The following CAMTA1 variants were observed in gnomAD, a reference collection of about 807,000 sequenced individuals.
CAMTA1 encodes the protein calmodulin binding transcription activator 1, also known as calmodulin-binding transcription activator 1.
CAMTA1 carries 27 observed loss-of-function variants against 170.9 expected under a neutral mutation model. The ratio of observed to expected loss-of-function variants is 0.16; its 90% CI spans 0.12 to 0.22. The LOEUF is 0.22. Among genes scored for constraint, CAMTA1 ranks in the 10% least tolerant of loss-of-function variants. CAMTA1 has a pLI of 1.00. For missense variants in CAMTA1, 1,619 were observed against 2,217.2 expected (o/e 0.73, Z 5.42); for synonymous variants, 833 against 891.5 (o/e 0.93, Z 1.17).
rs1454655652 is a variant in CAMTA1, at chr1:7,195,619, C to T, written c.303-53872C>T. On this transcript the variant is annotated intron_variant, in intron 4 of 22. Transcript: ENST00000303635. The surrounding 1 kb of genome is among the most constrained non-coding windows in gnomAD (Gnocchi z 4.1). ...TGGCACACTCACCTTCAGCCAGGTG[C>T]CCGCACTGCTCCTGAGACCACTCTG... Among the ~76,000 whole-genome samples, 1 of 152,208 alleles carries T rather than the reference C, an allele frequency of 6.6e-6. No homozygotes were observed. The highest frequency in any genetic ancestry group is 6.5e-5 in the Admixed American group (1 of 15,284).
In CAMTA1 at chr1:7,337,113, G is replaced by C. The variant is rs187508968; in HGVS notation, c.438+87487G>C. On this transcript the variant is annotated intron_variant, in intron 5 of 22. Coordinates refer to ENST00000303635, the MANE Select transcript of CAMTA1 (RefSeq NM_015215.4). ...TGGGGGAGTTGCTTAGGCAGATTAC[G>C]GCAGATGATTGAGCAGAATGTTGGT... Among the ~76,000 whole-genome samples, 328 of 152,310 alleles carry C rather than the reference G, an allele frequency of 2.2e-3. 1 individual carries two copies. Among genetic ancestry groups the C allele is most frequent in the African/African-American group, 7.7e-3 (322 of 41,568 alleles).
chr1:6,868,100 G>T (rs575508016), intron 3 of CAMTA1, among the ~76,000 whole-genome samples: 2 of 149,284 alleles, frequency 1.3e-5, no homozygotes, highest in Non-Finnish European at 3.0e-5. Context: ...CCACAGAAGC[G>T]TGCCTGGCCT....
At chr1:7,112,470 A>G (rs1271487097) in intron 4 of CAMTA1, among the ~76,000 whole-genome samples, 1 of 152,234 alleles carries the variant, frequency 6.6e-6, no homozygotes, top group Non-Finnish European at 1.5e-5. Context: ...GCACTAAATG[A>G]GCTGCCCAAG....
intron 3 of CAMTA1, among the ~76,000 whole-genome samples, chr1:6,973,807 C>T (rs753254138): frequency 8.5e-5 from 13 of 152,270 alleles, no homozygotes; most frequent in South Asian, 2.1e-4. Flanking sequence ...GCCCTGAGAG[C>T]GAATGAAAGT....
At chr1:7,096,838 T>C (rs1642138950) in intron 4 of CAMTA1, among the ~76,000 whole-genome samples, 1 of 152,218 alleles carries the variant, frequency 6.6e-6, no homozygotes, top group Non-Finnish European at 1.5e-5. Flanking sequence ...ATCGTTATTC[T>C]ACTTGGGAGC....
At chr1:7,646,964 G>A (rs1490366538) in intron 7 of CAMTA1, among the ~76,000 whole-genome samples, 2 of 152,222 alleles carry the variant, frequency 1.3e-5, no homozygotes, top group South Asian at 2.1e-4. Flanking sequence ...GCATCTGTAA[G>A]GCAGTGCTGC....
intron 4 of CAMTA1, among the ~76,000 whole-genome samples, chr1:7,235,401 G>C (rs929961117): frequency 5.3e-5 from 8 of 152,154 alleles, no homozygotes; most frequent in African/African-American, 1.9e-4. Context: ...GAGGCGGGTG[G>C]ATCATTTGAG....
intron 3 of CAMTA1, among the ~76,000 whole-genome samples, chr1:6,876,248 CA>C (rs1428015567): frequency 6.6e-6 from 1 of 151,994 alleles, no homozygotes; most frequent in Non-Finnish European, 1.5e-5. Context: ...TTTCTTCCAC[CA>C]TCTGGCGTAT....
intron 3 of CAMTA1, among the ~76,000 whole-genome samples, chr1:6,837,312 G>A (rs1470531741): frequency 6.6e-6 from 1 of 152,114 alleles, no homozygotes; most frequent in East Asian, 1.9e-4. Flanking sequence ...ACAAGGCGCC[G>A]AGGTGCCTAC....
chr1:6,995,545 G>A (rs1039106717), intron 3 of CAMTA1, among the ~76,000 whole-genome samples: 43 of 151,918 alleles, frequency 2.8e-4, no homozygotes, highest in African/African-American at 8.7e-4. Context: ...CTCGTGATCC[G>A]CCTGCCTTGG....
At chr1:7,744,348 T>A (rs572712546) in intron 16 of CAMTA1, among the ~76,000 whole-genome samples, 1 of 150,682 alleles carries the variant, frequency 6.6e-6, no homozygotes, top group Non-Finnish European at 1.5e-5. Context: ...GCCAGGATGG[T>A]CTGGAACTCC....
At chr1:7,310,706 CTTTCTTTCTT>C (rs757668655) in intron 5 of CAMTA1, among the ~76,000 whole-genome samples, 791 of 57,240 alleles carry the variant, frequency 0.014, 108 homozygotes, top group African/African-American at 0.081. Context: ...CTCTCTCTTT[CTTTCTTTCTT>C]TCTTTCTTTC....
intron 5 of CAMTA1, among the ~76,000 whole-genome samples, chr1:7,423,405 G>A (rs2091693759): frequency 1.3e-5 from 2 of 150,234 alleles, no homozygotes; most frequent in East Asian, 3.9e-4. Context: ...GGAGGCAGAG[G>A]TTGCAGTGAG....
intron 1 of CAMTA1, among the ~76,000 whole-genome samples, chr1:6,800,101 T>C (rs185333051): frequency 5.3e-5 from 8 of 152,224 alleles, no homozygotes; most frequent in African/African-American, 9.6e-5. Context: ...TTTAATATAC[T>C]ATATTTACTT....
intron 3 of CAMTA1, among the ~76,000 whole-genome samples, chr1:6,930,961 GGGCC>G (rs1684302714): frequency 6.6e-6 from 1 of 152,222 alleles, no homozygotes; most frequent in African/African-American, 2.4e-5. Flanking sequence ...GCACACATCT[GGGCC>G]CTAGCTTTTG....
intron 3 of CAMTA1, among the ~76,000 whole-genome samples, chr1:6,857,204 G>A (rs533060751): frequency 1.3e-5 from 2 of 152,318 alleles, no homozygotes; most frequent in Admixed American, 1.3e-4. Flanking sequence ...CCAAGGCCCA[G>A]CAGTGGAGCT....
rs1209874138 is a variant in CAMTA1 at position 7,562,040 on chromosome 1, T to C, written c.511-78360T>C. 6.6e-6 allele frequency among the ~76,000 whole-genome samples: 1 copy of C among 152,118 alleles called. No homozygotes were observed. The highest frequency in any genetic ancestry group is 6.5e-5 in the Admixed American group (1 of 15,280). On this transcript the variant is annotated intron_variant, in intron 6 of 22. Transcript: ENST00000303635. The surrounding 1 kb of genome is among the most constrained non-coding windows in gnomAD (Gnocchi z 4.8). Reference sequence around the variant, plus strand: ...AGACTTTGTCCCCATCGAAGGGTCGTGGCCAAGATGGTGATTGGGAGATGG... The same window carrying C: ...AGACTTTGTCCCCATCGAAGGGTCGCGGCCAAGATGGTGATTGGGAGATGG...
At chr1:7,301,774 T>C (rs1325451751) in intron 5 of CAMTA1, among the ~76,000 whole-genome samples, 3 of 152,178 alleles carry the variant, frequency 2.0e-5, no homozygotes, top group Non-Finnish European at 4.4e-5. Flanking sequence ...AGCCCACTTC[T>C]CGAGGGCAGC....
At chr1:7,427,862 C>G (rs544736817) in intron 5 of CAMTA1, among the ~76,000 whole-genome samples, 4 of 152,266 alleles carry the variant, frequency 2.6e-5, no homozygotes, top group African/African-American at 7.2e-5. Context: ...CCTTGAGGTA[C>G]AGGGAGCTCT....
Sources: allele counts gnomAD v4.1 joint callset (sites outside exome capture counted in the v4.1 genomes callset), GRCh38; gene constraint gnomAD v4.1.1; non-coding constraint Gnocchi (gnomAD v3.1); transcripts MANE v1.5; gene names NCBI Gene and HGNC (gene_info 2026-07-23, HGNC 2026-07-21).